The following THSD4 variants were observed in gnomAD, a reference collection of about 807,000 sequenced individuals.
THSD4 encodes thrombospondin type 1 domain containing 4, also known as thrombospondin type-1 domain-containing protein 4.
In THSD4, 69 loss-of-function variants were observed where a neutral mutation model predicts 119.0. The ratio of observed to expected loss-of-function variants is 0.58; its 90% CI spans 0.48 to 0.71. THSD4 has a LOEUF of 0.71. Among genes scored for constraint, THSD4 ranks in the 30% least tolerant of loss-of-function variants. The pLI is 0.00. For missense variants in THSD4, 1,393 were observed against 1,391.1 expected (o/e 1.00, Z -0.02); for synonymous variants, 524 against 540.4 (o/e 0.97, Z 0.42).
At chr15:71,586,312 A>G (rs548403030) in intron 7 of THSD4, among the ~76,000 whole-genome samples, 4 of 152,140 alleles carry the variant, frequency 2.6e-5, no homozygotes, top group Non-Finnish European at 5.9e-5. Context: ...CACAATTTCT[A>G]TAGGTCAGAA....
At chr15:71,616,320 AG>A (rs2050318252) in intron 7 of THSD4, among the ~76,000 whole-genome samples, 1 of 152,220 alleles carries the variant, frequency 6.6e-6, no homozygotes, top group Non-Finnish European at 1.5e-5. Flanking sequence ...CTTAGTAGAA[AG>A]GTAGGGTTCT....
In THSD4 at chr15:71,331,818, C is replaced by G. The variant is rs553237350; in HGVS notation, c.1015+75103C>G. On this transcript the variant is annotated intron_variant, in intron 6 of 17. Coordinates refer to ENST00000261862, the MANE Select transcript of THSD4 (RefSeq NM_024817.3). ...GAATTACAATGCATTCCTTGCCCCC[C>G]CCTCCCCACCCCGTGACATTGGACT... 1.2e-4 allele frequency among the ~76,000 whole-genome samples: 18 copies of G among 149,492 alleles called. No homozygotes were observed. In the South Asian group the frequency reaches 3.9e-3, roughly 32 times the overall value.
intron 3 of THSD4, among the ~76,000 whole-genome samples, chr15:71,174,617 G>C (rs1207158876): frequency 4.5e-5 from 3 of 66,484 alleles, no homozygotes; most frequent in Admixed American, 1.9e-4. Flanking sequence ...CCGGAAGCTC[G>C]AACTGGGTGG....
intron 6 of THSD4, among the ~76,000 whole-genome samples, chr15:71,347,096 A>G (rs923661421): frequency 6.6e-6 from 1 of 150,870 alleles, no homozygotes; most frequent in African/African-American, 2.4e-5. Context: ...CTGGTCTCGA[A>G]CTCCCGACCT....
chr15:71,377,651 G>C (rs368509005), intron 6 of THSD4, among the ~76,000 whole-genome samples: 3 of 152,018 alleles, frequency 2.0e-5, no homozygotes, highest in African/African-American at 7.3e-5. Context: ...TGGGTTTAGA[G>C]ACAACACCCA....
intron 6 of THSD4, among the ~76,000 whole-genome samples, chr15:71,369,676 T>C (rs570946055): frequency 1.8e-3 from 280 of 152,296 alleles, no homozygotes; most frequent in Middle Eastern, 0.01. Context: ...CTGCTGGATT[T>C]GGTTTGCCAG....
At chr15:71,546,355 A>G (rs1292145611) in intron 7 of THSD4, among the ~76,000 whole-genome samples, 1 of 152,044 alleles carries the variant, frequency 6.6e-6, no homozygotes, top group Non-Finnish European at 1.5e-5. Flanking sequence ...GTTCTAATCC[A>G]TTTTAAACCA....
chr15:71,694,050 C>T (rs2052111269), intron 8 of THSD4, among the ~76,000 whole-genome samples: 1 of 151,922 alleles, frequency 6.6e-6, no homozygotes, highest in African/African-American at 2.4e-5. Flanking sequence ...AAAGAAAAGC[C>T]AGTGTCAAGG....
chr15:71,174,206 CG>C (rs1288987821), intron 3 of THSD4, among the ~76,000 whole-genome samples: 1 of 152,108 alleles, frequency 6.6e-6, no homozygotes, highest in African/African-American at 2.4e-5. Context: ...ACGCAGAAGA[CG>C]GGTGATTTCT....
At chr15:71,705,441 G>A (rs1019633364) in intron 8 of THSD4, among the ~76,000 whole-genome samples, 1 of 152,180 alleles carries the variant, frequency 6.6e-6, no homozygotes, top group African/African-American at 2.4e-5. Context: ...GGAGGGAAGT[G>A]TCTCCTCTAA....
rs192307334 is a variant in THSD4, at chr15:71,620,430, A to C, written c.1153-40100A>C. Among the ~76,000 whole-genome samples, 400 of 134,244 alleles carry C rather than the reference A, an allele frequency of 3.0e-3. 2 individuals are homozygous for C. The highest frequency in any genetic ancestry group is 9.5e-3 in the African/African-American group (381 of 39,944). 88.1% of individuals were successfully genotyped at this position (134,244 alleles called of 152,430 possible). A position where few individuals can be genotyped will look rare whatever the true frequency, so the allele number is the denominator to read the frequency against. On this transcript the variant is annotated intron_variant, in intron 7 of 17. Transcript: ENST00000261862. ...GAACATAGCAAAACTCTGTTTTTAC[A>C]AAAAAAAATAATAATAATAACAAAA... is the stretch of plus-strand genomic sequence containing the variant.
At chr15:71,098,186 T>C (rs2040239278) in intron 1 of THSD4, among the ~76,000 whole-genome samples, 1 of 146,256 alleles carries the variant, frequency 6.8e-6, no homozygotes, top group Non-Finnish European at 1.5e-5. Flanking sequence ...AAAAATTCTT[T>C]CACTTTTTTT....
intron 6 of THSD4, among the ~76,000 whole-genome samples, chr15:71,281,104 T>C (rs1240357322): frequency 1.3e-5 from 2 of 152,256 alleles, no homozygotes; most frequent in Admixed American, 6.5e-5. Flanking sequence ...TAGGTGTTCA[T>C]GGATTTAACT....
At chr15:71,753,109 T>C (rs138890444) in intron 14 of THSD4, among the ~76,000 whole-genome samples, 2 of 152,284 alleles carry the variant, frequency 1.3e-5, no homozygotes, top group Admixed American at 1.3e-4. Context: ...AATTAATTAA[T>C]CTTTACCTAA....
At chr15:71,336,648 G>A (rs2045493079) in intron 6 of THSD4, among the ~76,000 whole-genome samples, 1 of 152,142 alleles carries the variant, frequency 6.6e-6, no homozygotes, top group Non-Finnish European at 1.5e-5. Flanking sequence ...TGTAAGAGGT[G>A]CTTTCCAAAC....
At chr15:71,160,398 G>A (rs1046258254) in intron 3 of THSD4, among the ~76,000 whole-genome samples, 1 of 151,130 alleles carries the variant, frequency 6.6e-6, no homozygotes, top group African/African-American at 2.4e-5. Context: ...TTGGTATTGA[G>A]TCTTCTTTAA....
At chr15:71,248,994 C>T (rs1317618914) in intron 5 of THSD4, among the ~76,000 whole-genome samples, 1 of 152,146 alleles carries the variant, frequency 6.6e-6, no homozygotes, top group Non-Finnish European at 1.5e-5. Context: ...TCATCAGCCT[C>T]CTTATCTAGG....
At chr15:71,369,754 G>C (rs998257789) in intron 6 of THSD4, among the ~76,000 whole-genome samples, 1 of 152,064 alleles carries the variant, frequency 6.6e-6, no homozygotes, top group African/African-American at 2.4e-5. Flanking sequence ...TTTTTGTTGT[G>C]TCTCTGTCAG....
intron 4 of THSD4, among the ~76,000 whole-genome samples, chr15:71,238,832 G>T (rs1300053616): frequency 2.0e-5 from 3 of 152,140 alleles, no homozygotes; most frequent in African/African-American, 7.2e-5. Context: ...GCTAGGTCTT[G>T]TGGTAACACT....
Sources: allele counts gnomAD v4.1 joint callset (sites outside exome capture counted in the v4.1 genomes callset), GRCh38; gene constraint gnomAD v4.1.1; transcripts MANE v1.5; gene names NCBI Gene and HGNC (gene_info 2026-07-23, HGNC 2026-07-21).